ANKS1B: variants seen among roughly 807,000 people sequenced by gnomAD.
ANKS1B encodes ankyrin repeat and sterile alpha motif domain-containing protein 1B.
A neutral mutation model predicts 148.3 loss-of-function variants in ANKS1B; 36 were observed. That is an observed-to-expected ratio of 0.24 (90% confidence interval 0.19 to 0.32). ANKS1B has a LOEUF of 0.32. Ranked by LOEUF, ANKS1B falls within the 10% of genes least tolerant of loss-of-function variation. The probability of loss-of-function intolerance (pLI) is 1.00; values close to 1 mark genes in which losing one functional copy is unlikely to be tolerated. For missense variants in ANKS1B, 1,157 were observed against 1,542.6 expected, an observed-to-expected ratio of 0.75 and a Z score of 4.19; for synonymous variants, 542 against 560.8, an observed-to-expected ratio of 0.97 and a Z score of 0.47.
chr12:99,594,546 A>C (rs932913276), intron 9 of ANKS1B, among the ~76,000 whole-genome samples: 3 of 152,098 alleles, frequency 2.0e-5, no homozygotes, highest in Non-Finnish European at 4.4e-5. Flanking sequence ...GCCTTTAAAA[A>C]GAAGTAAATC....
At position 99,932,255 on chromosome 12, in the gene ANKS1B, T is replaced by C. The variant is rs118172839; in HGVS notation, c.134+51849A>G. ...TGGGGGTGTAAATATGTCTTTGATA[T>C]ATTGATTTCTTTTCTTTTGGGCATA... On this transcript the variant is annotated intron_variant, in intron 1 of 26. Coordinates refer to ENST00000683438, the MANE Select transcript of ANKS1B (RefSeq NM_001352186.2). Among the ~76,000 whole-genome samples the C allele has an allele frequency of 1.6e-3, 249 of 152,280 alleles. 9 individuals are homozygous for C. In the East Asian group the frequency reaches 0.04, roughly 25 times the overall value.
At chr12:99,666,175 A>T (rs1423336105) in intron 8 of ANKS1B, among the ~76,000 whole-genome samples, 1 of 152,146 alleles carries the variant, frequency 6.6e-6, no homozygotes. Context: ...TGACCTGTAA[A>T]TCTCTTCTTA....
rs2098442958 is a variant in ANKS1B at position 99,654,920 on chromosome 12, A to G, written c.1272+147T>C. On this transcript the variant is annotated intron_variant, in intron 9 of 26. Transcript: ENST00000683438. ...GCACACCAAGTTATATGCACATTTT[A>G]CTTGACACTTTGAGAAAAACCACAA... is the stretch of plus-strand genomic sequence containing the variant. The G allele has an allele frequency of 3.6e-6, 3 of 823,710 alleles. No individual in the cohort carries two copies. In the East Asian group the frequency reaches 7.9e-5, roughly 22 times the overall value. The allele number at this position is 823,710 out of a possible 1,614,324, so 51.0% of individuals were successfully genotyped here. A position where few individuals can be genotyped will look rare whatever the true frequency, so the allele number is the denominator to read the frequency against.
At chr12:99,016,610 C>T (rs2099942684) in intron 17 of ANKS1B, among the ~76,000 whole-genome samples, 1 of 152,158 alleles carries the variant, frequency 6.6e-6, no homozygotes, top group Non-Finnish European at 1.5e-5. Context: ...GAGCCGAGAT[C>T]ATGCCACTGC....
At position 99,316,941 on chromosome 12, in the gene ANKS1B, T is replaced by G. The variant is rs1278896601; in HGVS notation, c.1757-70077A>C. 1.1e-4 allele frequency among the ~76,000 whole-genome samples: 17 copies of G among 152,204 alleles called. No individual in the cohort carries two copies. In the East Asian group the frequency reaches 1.2e-3, roughly 10 times the overall value. ...TTAAATAGGGAATCCTTTCCCCATTTCTTGTTTTTGTCAGGTTTGTGAAAG... is the reference window on the plus strand; with the variant it reads ...TTAAATAGGGAATCCTTTCCCCATTGCTTGTTTTTGTCAGGTTTGTGAAAG... On this transcript the variant is annotated intron_variant, in intron 12 of 26. Transcript: ENST00000683438.
In ANKS1B at chr12:99,688,562, G is replaced by C. The variant is rs537320027; in HGVS notation, c.1129-33352C>G. Among the ~76,000 whole-genome samples, 137 of 152,208 alleles carry C rather than the reference G, an allele frequency of 9.0e-4. 2 individuals are homozygous for C. The highest frequency in any genetic ancestry group is 3.1e-3 in the African/African-American group (129 of 41,530). ...CAATATAAAGAAAAAAGGCACCAAG[G>C]ACTGTGTCTCAAGCCTGTAATCCTA... On this transcript the variant is annotated intron_variant, in intron 8 of 26. Transcript: ENST00000683438.
chr12:99,890,570 G>GGTGTGTGTGT (rs10603901), intron 1 of ANKS1B, among the ~76,000 whole-genome samples: 26 of 138,046 alleles, frequency 1.9e-4, no homozygotes, highest in East Asian at 4.8e-4. Flanking sequence ...TCGCATTCAT[G>GGTGTGTGTGT]GTGTGTGTGT....
At chr12:98,832,211 G>T in intron 17 of ANKS1B, 75 bp from the exon 18 acceptor site, 2 of 1,218,230 alleles carry the variant, frequency 1.6e-6, no homozygotes, top group Admixed American at 2.4e-5. Context: ...AACATGTGGG[G>T]TGAAAAAAGA....
At chr12:99,511,963 G>T (rs2096770723) in intron 9 of ANKS1B, among the ~76,000 whole-genome samples, 1 of 152,020 alleles carries the variant, frequency 6.6e-6, no homozygotes, top group African/African-American at 2.4e-5. Flanking sequence ...AAAAACCCTA[G>T]AAGAAAATCT....
intron 9 of ANKS1B, among the ~76,000 whole-genome samples, chr12:99,579,239 T>C (rs917309285): frequency 2.0e-5 from 3 of 152,090 alleles, no homozygotes; most frequent in South Asian, 2.1e-4. Flanking sequence ...TTAAAATGTT[T>C]AAAACTTTAG....
chr12:99,041,609 T>A (rs1004591830), intron 17 of ANKS1B, among the ~76,000 whole-genome samples: 4 of 152,148 alleles, frequency 2.6e-5, no homozygotes, highest in Non-Finnish European at 5.9e-5. Flanking sequence ...CATCTTAGAT[T>A]TTCTGAGATG....
chr12:99,234,927 T>C (rs188676921), intron 14 of ANKS1B, among the ~76,000 whole-genome samples: 26 of 152,254 alleles, frequency 1.7e-4, no homozygotes, highest in African/African-American at 5.8e-4. Context: ...ACTAGCCTAA[T>C]GGCCAAGTGG....
intron 17 of ANKS1B, among the ~76,000 whole-genome samples, chr12:98,852,076 G>A (rs924082034): frequency 2.0e-5 from 3 of 148,050 alleles, no homozygotes; most frequent in Admixed American, 2.0e-4. Context: ...TGATGGCAGA[G>A]TTGGTTTATA....
At chr12:99,270,216 T>A (rs1055567533) in intron 12 of ANKS1B, among the ~76,000 whole-genome samples, 11 of 152,204 alleles carry the variant, frequency 7.2e-5, no homozygotes, top group African/African-American at 2.7e-4. Flanking sequence ...TCTCAGCCCA[T>A]CGGATTTTAT....
chr12:99,123,635 G>A (rs1301219327), intron 15 of ANKS1B, among the ~76,000 whole-genome samples: 1 of 152,158 alleles, frequency 6.6e-6, no homozygotes, highest in Non-Finnish European at 1.5e-5. Flanking sequence ...CCTAAGGCCC[G>A]AGAGCCCCTG....
rs115756913 is a variant in ANKS1B, at chr12:99,209,722, G to A, written c.2419+34620C>T. On this transcript the variant is annotated intron_variant, in intron 14 of 26. Transcript: ENST00000683438. Reference sequence around the variant, plus strand: ...AGCATCACCATCTTGGATAAGCACTGTCATTTTAAAGTTCACCTTGATCAA... The same window carrying A: ...AGCATCACCATCTTGGATAAGCACTATCATTTTAAAGTTCACCTTGATCAA... 8.1e-3 allele frequency among the ~76,000 whole-genome samples: 1,235 copies of A among 152,276 alleles called. 12 individuals are homozygous for A. The highest frequency in any genetic ancestry group is 0.028 in the African/African-American group (1,175 of 41,546).
At chr12:98,980,318 A>C (rs1425687216) in intron 17 of ANKS1B, among the ~76,000 whole-genome samples, 1 of 152,144 alleles carries the variant, frequency 6.6e-6, no homozygotes, top group African/African-American at 2.4e-5. Context: ...CTCCTACCTC[A>C]GCCTCCCGAG....
At chr12:98,925,790 T>A (rs1187894823) in intron 17 of ANKS1B, among the ~76,000 whole-genome samples, 3 of 152,186 alleles carry the variant, frequency 2.0e-5, no homozygotes, top group African/African-American at 7.2e-5. Context: ...CTATTTAACC[T>A]GTCTGAAAGT....
intron 2 of ANKS1B, among the ~76,000 whole-genome samples, chr12:99,812,633 T>C (rs2068577707): frequency 6.6e-6 from 1 of 150,508 alleles, no homozygotes; most frequent in Non-Finnish European, 1.5e-5. Context: ...AGAATTCATA[T>C]AAGCAAAACT....
Sources: gnomAD v4.1 joint callset for allele counts (sites outside exome capture counted in the v4.1 genomes callset) on GRCh38, gnomAD v4.1.1 for gene constraint, MANE v1.5 for transcripts, NCBI Gene and HGNC (gene_info 2026-07-23, HGNC 2026-07-21) for gene names.